Variants in DNAAF10 observed in about 807,000 individuals in gnomAD.
The protein encoded by DNAAF10 is dynein axonemal assembly factor 10.
In DNAAF10, 28 loss-of-function variants were observed where a neutral mutation model predicts 43.7. That is an observed-to-expected ratio of 0.64 (90% CI 0.48 to 0.88). The LOEUF (loss-of-function observed/expected upper bound fraction) is 0.88. Among genes scored for constraint, DNAAF10 ranks in the 40% least tolerant of loss-of-function variants. DNAAF10 has a pLI of 0.00. For missense variants in DNAAF10, 403 were observed against 439.1 expected (o/e 0.92, Z 0.73); for synonymous variants, 156 against 157.3 (o/e 0.99, Z 0.06).
intron 1 of DNAAF10, among the ~76,000 whole-genome samples, chr2:68,148,580 T>A (rs1673380412): frequency 6.6e-6 from 1 of 152,062 alleles, no homozygotes; most frequent in African/African-American, 2.4e-5. Context: ...CTGAAGTCCC[T>A]CCTACAGTCT....
rs567049638 is a variant in DNAAF10, at chr2:68,147,336, CAT to C, written c.284+129_284+130del. The C allele has an allele frequency of 1.2e-3, 751 of 635,044 alleles. 10 individuals are homozygous for C. The African/African-American group carries it at 0.012, about 10-fold the overall frequency. 39.3% of individuals were successfully genotyped at this position (635,044 alleles called of 1,614,324 possible). A position where few individuals can be genotyped will look rare whatever the true frequency, so the allele number is the denominator to read the frequency against. ...AGAAATATATATTAGAGACAATTCT[CAT>C]ATTTTTATAGTTAAAATGGAACATA... On this transcript the variant is annotated intron_variant, in intron 2 of 7. Coordinates refer to ENST00000295121, the MANE Select transcript of DNAAF10 (RefSeq NM_138458.4).
chr2:68,147,904 G>A (rs909989925), intron 1 of DNAAF10, among the ~76,000 whole-genome samples: 4 of 152,152 alleles, frequency 2.6e-5, no homozygotes, highest in African/African-American at 9.7e-5. Flanking sequence ...AGAACATAAT[G>A]AAGATATTAT....
At chr2:68,133,143 A>C (rs1424950777) in intron 7 of DNAAF10, among the ~76,000 whole-genome samples, 2 of 152,192 alleles carry the variant, frequency 1.3e-5, no homozygotes, top group African/African-American at 2.4e-5. Context: ...GAAAGTAGCA[A>C]GTGATCTCTC....
chr2:68,131,701 G>C, intron 7 of DNAAF10: 1 of 392,798 alleles, frequency 2.5e-6, no homozygotes, highest in Non-Finnish European at 4.7e-6. Context: ...ACGTGTATCT[G>C]TATTTTCTCT....
chr2:68,144,499 G>A (rs1383341900), intron 3 of DNAAF10, 86 bp downstream of exon 3: 1 of 1,538,544 alleles, frequency 6.5e-7, no homozygotes, highest in Non-Finnish European at 8.7e-7. Flanking sequence ...TGACTGAAGG[G>A]GATTTTTTAC....
chr2:68,154,910 G>A (rs1161857492), intron 1 of DNAAF10, among the ~76,000 whole-genome samples: 1 of 152,008 alleles, frequency 6.6e-6, no homozygotes, highest in East Asian at 1.9e-4. Flanking sequence ...CTACAGGCTC[G>A]CATCACTATG....
intron 1 of DNAAF10, among the ~76,000 whole-genome samples, chr2:68,150,167 A>G (rs1304834754): frequency 6.6e-6 from 1 of 152,096 alleles, no homozygotes. Flanking sequence ...GTCTTCTAAA[A>G]TTTTACTGCT....
rs145999393 is a variant in DNAAF10, at chr2:68,155,016, C to T, written c.183+2245G>A. Among the ~76,000 whole-genome samples, 1,166 of 152,226 alleles carry T rather than the reference C, an allele frequency of 7.7e-3. 7 individuals carry two copies. The highest frequency in any genetic ancestry group is 0.027 in the African/African-American group (1,120 of 41,538). On this transcript the variant is annotated intron_variant, in intron 1 of 7. Coordinates refer to ENST00000295121, the MANE Select transcript of DNAAF10 (RefSeq NM_138458.4). Reference sequence around the variant, plus strand: ...CTTGAACTCCTGGGCTCAAGCAATCCACCCCACTGCCTCCCAAAGTGTTGG... The same window carrying T: ...CTTGAACTCCTGGGCTCAAGCAATCTACCCCACTGCCTCCCAAAGTGTTGG...
chr2:68,149,363 A>G (rs2103630990), intron 1 of DNAAF10, among the ~76,000 whole-genome samples: 1 of 152,334 alleles, frequency 6.6e-6, no homozygotes, highest in South Asian at 2.1e-4. Context: ...AGAATTGTCT[A>G]GTAAACGAAA....
At chr2:68,152,154 T>C (rs1040574636) in intron 1 of DNAAF10, among the ~76,000 whole-genome samples, 2 of 152,228 alleles carry the variant, frequency 1.3e-5, no homozygotes, top group Non-Finnish European at 2.9e-5. Context: ...CTCTGCCCTT[T>C]GGTTTTTACC....
intron 3 of DNAAF10, 141 bp downstream of exon 3, chr2:68,144,444 T>C: frequency 9.3e-7 from 1 of 1,078,262 alleles, no homozygotes; most frequent in South Asian, 1.5e-5. Context: ...CAAACTTGTC[T>C]GTTAAAAAAG....
At chr2:68,154,885 C>T (rs1275301574) in intron 1 of DNAAF10, among the ~76,000 whole-genome samples, 1 of 152,134 alleles carries the variant, frequency 6.6e-6, no homozygotes, top group Admixed American at 6.5e-5. Flanking sequence ...ACCACAGCCT[C>T]CCAAGTAGCT....
At chr2:68,149,020 A>G (rs955262476) in intron 1 of DNAAF10, among the ~76,000 whole-genome samples, 22 of 152,286 alleles carry the variant, frequency 1.4e-4, no homozygotes, top group Admixed American at 2.6e-4. Flanking sequence ...TTTCCAGGAC[A>G]TCTCCCCTTG....
intron 2 of DNAAF10, among the ~76,000 whole-genome samples, chr2:68,146,332 A>G (rs754093436): frequency 4.6e-5 from 7 of 152,234 alleles, no homozygotes; most frequent in Non-Finnish European, 8.8e-5. Context: ...TTATGAACTA[A>G]TCAAGAGATT....
intron 7 of DNAAF10, 189 bp downstream of exon 7, chr2:68,134,513 C>G (rs1242913793): frequency 7.1e-7 from 1 of 1,417,418 alleles, no homozygotes; most frequent in Non-Finnish European, 9.2e-7. Flanking sequence ...GATTAGTGTA[C>G]ACTCTACTAA....
chr2:68,147,720 C>T (rs1046150542), intron 1 of DNAAF10, among the ~76,000 whole-genome samples, 153 bp from the exon 2 acceptor site: 14 of 152,056 alleles, frequency 9.2e-5, no homozygotes, highest in Admixed American at 9.2e-4. Flanking sequence ...CTTGCTTTTT[C>T]CTTTACTCAT....
At chr2:68,143,844 C>T (rs937092698) in intron 3 of DNAAF10, among the ~76,000 whole-genome samples, 3 of 152,106 alleles carry the variant, frequency 2.0e-5, no homozygotes, top group African/African-American at 7.2e-5. Context: ...CCTCTATACT[C>T]AATATTGCTT....
chr2:68,156,489 T>A (rs1673618457), intron 1 of DNAAF10, among the ~76,000 whole-genome samples: 1 of 152,246 alleles, frequency 6.6e-6, no homozygotes, highest in African/African-American at 2.4e-5. Flanking sequence ...TATTCTCTAA[T>A]TCTTTCACTA....
At chr2:68,134,860 C>T (rs975002670) in intron 6 of DNAAF10, 61 bp from the exon 7 acceptor site, 55 of 1,574,834 alleles carry the variant, frequency 3.5e-5, no homozygotes, top group African/African-American at 8.2e-5. Flanking sequence ...GGAAGAGAAA[C>T]GCTGCAAATA....
Sources: gnomAD v4.1 joint callset for allele counts (sites outside exome capture counted in the v4.1 genomes callset) on GRCh38, gnomAD v4.1.1 for gene constraint, MANE v1.5 for transcripts, NCBI Gene and HGNC (gene_info 2026-07-23, HGNC 2026-07-21) for gene names.